EVA1C: variants seen among roughly 807,000 people sequenced by gnomAD.
The protein encoded by EVA1C is eva-1 homolog C, also known as protein eva-1 homolog C.
EVA1C carries 25 observed loss-of-function variants against 45.4 expected under a neutral mutation model. The observed-to-expected ratio is 0.55, with a 90% CI of 0.40 to 0.77. The LOEUF (loss-of-function observed/expected upper bound fraction) is 0.77. Ranked by LOEUF, EVA1C falls within the 30% of genes least tolerant of loss-of-function variation. EVA1C has a pLI of 0.00. For missense variants in EVA1C, 479 were observed against 554.8 expected (o/e 0.86, Z 1.37); for synonymous variants, 190 against 221.2 (o/e 0.86, Z 1.25).
At chr21:32,500,744 G>A (rs184793888) in intron 5 of EVA1C, among the ~76,000 whole-genome samples, 74 of 151,934 alleles carry the variant, frequency 4.9e-4, no homozygotes, top group African/African-American at 1.6e-3. Flanking sequence ...TGTGTGCGTG[G>A]TTGGCTTCTT....
At chr21:32,513,046 TATA>T (rs2038009807) in intron 7 of EVA1C, among the ~76,000 whole-genome samples, 1 of 150,838 alleles carries the variant, frequency 6.6e-6, no homozygotes, top group Non-Finnish European at 1.5e-5. Context: ...TAATAAGCAT[TATA>T]ATACTTACAA....
intron 5 of EVA1C, among the ~76,000 whole-genome samples, chr21:32,501,156 A>G (rs2037516294): frequency 6.6e-6 from 1 of 152,116 alleles, no homozygotes; most frequent in African/African-American, 2.4e-5. Flanking sequence ...AGATGGATAT[A>G]TCATATCTTG....
chr21:32,470,764 C>CTT (rs142166965), intron 4 of EVA1C, among the ~76,000 whole-genome samples: 28 of 146,442 alleles, frequency 1.9e-4, no homozygotes, highest in Middle Eastern at 3.6e-3. Flanking sequence ...CTTTTTCTTT[C>CTT]TTTTTTTTTT....
intron 1 of EVA1C, among the ~76,000 whole-genome samples, chr21:32,426,437 TG>T (rs201521745): frequency 0.017 from 2,615 of 151,798 alleles, 72 homozygotes; most frequent in African/African-American, 0.06. Context: ...TTTTTTTTTT[TG>T]GCATCTCCCA....
intron 4 of EVA1C, among the ~76,000 whole-genome samples, chr21:32,484,133 T>C (rs758306120): frequency 5.3e-5 from 8 of 152,158 alleles, no homozygotes; most frequent in Non-Finnish European, 8.8e-5. Context: ...CCCTGAGACA[T>C]GAGCTTCCTA....
chr21:32,429,844 A>AT (rs746586675), intron 1 of EVA1C, among the ~76,000 whole-genome samples: 15 of 152,246 alleles, frequency 9.9e-5, no homozygotes, highest in Non-Finnish European at 1.9e-4. Flanking sequence ...TAACCAATAT[A>AT]TTCAAAATAT....
chr21:32,414,737 G>A (rs1014760402), intron 1 of EVA1C, among the ~76,000 whole-genome samples: 11 of 152,104 alleles, frequency 7.2e-5, no homozygotes, highest in African/African-American at 2.4e-4. Flanking sequence ...CTTTCCATAC[G>A]AACCTAAATT....
At chr21:32,460,862 C>T (rs748238734) in intron 3 of EVA1C, among the ~76,000 whole-genome samples, 55 of 152,172 alleles carry the variant, frequency 3.6e-4, no homozygotes, top group Non-Finnish European at 6.6e-4. Context: ...TCTCCTGCCT[C>T]AGCCTCCTGA....
In EVA1C at chr21:32,452,934, G is replaced by A. The variant is rs1442861107; in HGVS notation, c.161-378G>A. On this transcript the variant is annotated intron_variant, in intron 1 of 7. Coordinates refer to ENST00000300255, the MANE Select transcript of EVA1C (RefSeq NM_058187.5). This position sits in a 1 kb window ranked among gnomAD's most constrained non-coding sequence, Gnocchi z 4.0. ...CCACTAGGGTCTTGGGTTTTTTATG[G>A]GCACAGGATGGGGGTCATGGCAGGC... 5.9e-6 allele frequency: 1 copy of A among 170,070 alleles called. No homozygotes were observed. The highest frequency in any genetic ancestry group is 1.6e-4 in the East Asian group (1 of 6,294). The allele number at this position is 170,070 out of a possible 1,614,324, so 10.5% of individuals were successfully genotyped here.
At chr21:32,433,075 G>C (rs1310016436) in intron 1 of EVA1C, 1 of 152,286 alleles carries the variant, frequency 6.6e-6, no homozygotes, top group African/African-American at 2.4e-5. Flanking sequence ...TTAGCTCCAG[G>C]AATAATTTCT....
chr21:32,502,503 C>T (rs1462365187), intron 6 of EVA1C, among the ~76,000 whole-genome samples: 1 of 152,056 alleles, frequency 6.6e-6, no homozygotes, highest in African/African-American at 2.4e-5. Flanking sequence ...GAATTCAAAC[C>T]CATGGGGTCC....
intron 5 of EVA1C, among the ~76,000 whole-genome samples, chr21:32,500,190 A>ATTTTTTTTTTTTTTTTTTTTTTTT (rs538897939): frequency 1.1e-5 from 1 of 91,102 alleles, no homozygotes; most frequent in Non-Finnish European, 2.0e-5. Context: ...TAACCACCCT[A>ATTTTTTTTTTTTTTTTTTTTTTTT]TTTTTTTTTT....
rs998950977 is a variant in EVA1C, at chr21:32,412,725, G to C, written c.-129G>C. On this transcript the variant is annotated 5_prime_UTR_variant, in exon 1 of 8. Transcript: ENST00000300255. ...GCAGGGGAGGAGGCTCTGGCAGCCT[G>C]GGCAGGGAGGCGGCGGGGGGCCGCG... is the stretch of plus-strand genomic sequence containing the variant. 7 of 996,126 alleles carry C rather than the reference G, an allele frequency of 7.0e-6. No individual in the cohort carries two copies. The Admixed American group carries it at 3.0e-4, about 43-fold the overall frequency. The allele number at this position is 996,126 out of a possible 1,614,324, so 61.7% of individuals were successfully genotyped here. A position where few individuals can be genotyped will look rare whatever the true frequency, so the allele number is the denominator to read the frequency against.
intron 4 of EVA1C, chr21:32,493,786 A>T (rs1376220783): frequency 6.7e-6 from 1 of 149,838 alleles, no homozygotes; most frequent in Non-Finnish European, 1.5e-5. Flanking sequence ...TTATTTATTT[A>T]TTTATTTATT....
rs2036501961 is a variant in EVA1C at position 32,474,943 on chromosome 21, C to T, written c.634+7095C>T. Among the ~76,000 whole-genome samples the T allele has an allele frequency of 6.6e-6, 1 of 152,256 alleles. No individual in the cohort carries two copies. Among genetic ancestry groups the T allele is most frequent in the African/African-American group, 2.4e-5 (1 of 41,464 alleles). ...CAGGCTGCCAGTGCATGTGTGATCT[C>T]TGCTCTGTGCTCCCATTTACTACTG... On this transcript the variant is annotated intron_variant, in intron 4 of 7. Coordinates refer to ENST00000300255, the MANE Select transcript of EVA1C (RefSeq NM_058187.5). The surrounding 1 kb of genome is among the most constrained non-coding windows in gnomAD (Gnocchi z 4.4).
At chr21:32,497,053 G>A (rs1433737361) in intron 5 of EVA1C, 1 of 1,182,432 alleles carries the variant, frequency 8.5e-7, no homozygotes, top group African/African-American at 1.5e-5. Flanking sequence ...ATGAGCCAAT[G>A]GAAGGAATGT....
rs760114194 is a variant in EVA1C, at chr21:32,514,842, C to T, written c.978C>T (p.Phe326=). 7.5e-6 allele frequency: 12 copies of T among 1,590,372 alleles called. No homozygotes were observed. The highest frequency in any genetic ancestry group is 1.1e-5 in the South Asian group (1 of 87,952). ...ACCCGGAGAGAGCTGCCCTGCTGTT[C>T]GTGTCCAGTGTCTGCATCGGCCTGG... ...RAHPERAALL[F]VSSVCIGLAL... The change falls in exon 8 of 8, where the codon TTC becomes TTT. Residue 326 remains phenylalanine (F), a synonymous_variant. Coordinates refer to ENST00000300255, the MANE Select transcript of EVA1C (RefSeq NM_058187.5).
chr21:32,423,716 C>T (rs757728239), intron 1 of EVA1C, among the ~76,000 whole-genome samples: 3 of 152,118 alleles, frequency 2.0e-5, no homozygotes, highest in Non-Finnish European at 4.4e-5. Context: ...TGAATTTCTC[C>T]TGCACTAACA....
intron 7 of EVA1C, among the ~76,000 whole-genome samples, chr21:32,512,661 T>C (rs1469253561): frequency 1.3e-5 from 2 of 152,108 alleles, no homozygotes; most frequent in Admixed American, 6.5e-5. Context: ...GGCCTGACCA[T>C]GGGTGGCTGG....
Sources: allele counts gnomAD v4.1 joint callset (sites outside exome capture counted in the v4.1 genomes callset), GRCh38; gene constraint gnomAD v4.1.1; non-coding constraint Gnocchi (gnomAD v3.1); transcripts MANE v1.5; gene names NCBI Gene and HGNC (gene_info 2026-07-23, HGNC 2026-07-21).